TMTC2: variants seen among roughly 807,000 people sequenced by gnomAD.
TMTC2 encodes the protein protein O-mannosyl-transferase TMTC2.
Under a neutral mutation model 82.4 loss-of-function variants are expected in TMTC2, and 43 were observed. That is an observed-to-expected ratio of 0.52 (90% CI 0.41 to 0.67). The LOEUF (loss-of-function observed/expected upper bound fraction) is 0.67. Among genes scored for constraint, TMTC2 ranks in the 30% least tolerant of loss-of-function variants. The pLI is 0.00. For missense variants in TMTC2, 919 were observed against 1,012.4 expected (o/e 0.91, Z 1.25); for synonymous variants, 408 against 381.9 (o/e 1.07, Z -0.80).
At chr12:83,042,429 C>G (rs1056175643) in intron 9 of TMTC2, among the ~76,000 whole-genome samples, 1 of 152,194 alleles carries the variant, frequency 6.6e-6, no homozygotes, top group Non-Finnish European at 1.5e-5. Context: ...CCTTCTCTTC[C>G]TCTTTAAGTG....
intron 3 of TMTC2, among the ~76,000 whole-genome samples, chr12:82,905,814 G>A (rs1019659107): frequency 2.0e-5 from 3 of 151,830 alleles, no homozygotes; most frequent in Non-Finnish European, 2.9e-5. Context: ...GCATGGTGGC[G>A]GGCGCCTGTA....
intron 9 of TMTC2, among the ~76,000 whole-genome samples, chr12:83,033,890 A>G (rs199783839): frequency 1.9e-3 from 229 of 118,286 alleles, no homozygotes; most frequent in East Asian, 0.011. Context: ...ATGTGTGTGT[A>G]TATATATATA....
intron 11 of TMTC2, among the ~76,000 whole-genome samples, chr12:83,108,915 T>A (rs1884506947): frequency 6.6e-6 from 1 of 152,206 alleles, no homozygotes; most frequent in African/African-American, 2.4e-5. Flanking sequence ...TATTATTTTC[T>A]TCCTTGGTAC....
At chr12:82,838,000 A>C (rs1301668288) in intron 1 of TMTC2, among the ~76,000 whole-genome samples, 1 of 152,200 alleles carries the variant, frequency 6.6e-6, no homozygotes, top group Non-Finnish European at 1.5e-5. Flanking sequence ...TTTACATCAC[A>C]AAAAGATGGG....
intron 7 of TMTC2, among the ~76,000 whole-genome samples, chr12:82,976,264 C>T (rs1276129739): frequency 2.6e-5 from 4 of 151,988 alleles, no homozygotes; most frequent in Non-Finnish European, 5.9e-5. Flanking sequence ...AATATTTACA[C>T]AGGCTTCTGG....
intron 4 of TMTC2, among the ~76,000 whole-genome samples, chr12:82,944,987 TCA>T (rs1876921400): frequency 1.3e-5 from 2 of 152,224 alleles, no homozygotes; most frequent in South Asian, 2.1e-4. Flanking sequence ...TTTGTTTCTA[TCA>T]CATAGTGAGG....
chr12:83,116,410 A>G (rs1298675851), intron 11 of TMTC2, among the ~76,000 whole-genome samples: 1 of 152,210 alleles, frequency 6.6e-6, no homozygotes, highest in African/African-American at 2.4e-5. Context: ...ATGTGCAAGT[A>G]TCTTTTCCAT....
At chr12:82,942,845 GA>G (rs150341029) in intron 4 of TMTC2, among the ~76,000 whole-genome samples, 6 of 149,074 alleles carry the variant, frequency 4.0e-5, no homozygotes, top group South Asian at 2.1e-4. Context: ...TTTTTATTTA[GA>G]AAAAAAAACA....
In TMTC2 at chr12:82,687,574, A is replaced by G. The variant is rs749210924; in HGVS notation, c.-13A>G. Reference sequence around the variant, plus strand: ...CGCGCTGGGAGCCGAGCCGGAGGGAAGGCGGTGGAGAGATGATTGCAGAGT... The same window carrying G: ...CGCGCTGGGAGCCGAGCCGGAGGGAGGGCGGTGGAGAGATGATTGCAGAGT... On this transcript the variant is annotated 5_prime_UTR_variant, in exon 1 of 12. Coordinates refer to ENST00000321196, the MANE Select transcript of TMTC2 (RefSeq NM_152588.3). 5.0e-6 allele frequency: 8 copies of G among 1,591,646 alleles called. No homozygotes were observed. In the Admixed American group the frequency reaches 9.2e-5, roughly 18 times the overall value.
chr12:82,961,716 C>T (rs968436639), intron 4 of TMTC2, among the ~76,000 whole-genome samples: 17 of 152,130 alleles, frequency 1.1e-4, no homozygotes, highest in South Asian at 4.1e-4. Flanking sequence ...GACTCCAGAC[C>T]TTTCCTTATC....
Position 82,857,555 on chromosome 12 carries a change from A to G in TMTC2, c.629A>G (p.Lys210Arg), listed in dbSNP as rs1193873785. 1 of 1,611,540 alleles carries G rather than the reference A, an allele frequency of 6.2e-7. No homozygotes were observed. Among genetic ancestry groups the G allele is most frequent in the South Asian group, 1.1e-5 (1 of 90,484 alleles). The change falls in exon 2 of 12, where the codon AAA becomes AGA. Residue 210 changes from lysine to arginine, a missense_variant. Coordinates refer to ENST00000321196, the MANE Select transcript of TMTC2 (RefSeq NM_152588.3). ...DVFVFHRLKI[K>R]QILPTIYKRK... ...TTTGTCTTTCACAGGCTGAAAATAA[A>G]ACAGATATTACCTACCATTTACAAA...
At chr12:82,954,605 C>T (rs1022098126) in intron 4 of TMTC2, among the ~76,000 whole-genome samples, 1 of 152,182 alleles carries the variant, frequency 6.6e-6, no homozygotes, top group South Asian at 2.1e-4. Context: ...GTTTCCCTTG[C>T]GTGTTGCAGG....
At chr12:82,832,845 A>C (rs756297222) in intron 1 of TMTC2, among the ~76,000 whole-genome samples, 2 of 152,224 alleles carry the variant, frequency 1.3e-5, no homozygotes, top group Non-Finnish European at 2.9e-5. Context: ...GGAAATGTAA[A>C]ATAGATTAGT....
intron 10 of TMTC2, among the ~76,000 whole-genome samples, chr12:83,056,790 T>A (rs11837813): frequency 0.011 from 1,701 of 152,086 alleles, 38 homozygotes; most frequent in African/African-American, 0.039. Flanking sequence ...CATGCTGTAA[T>A]GGACCATAGG....
rs539088185 is a variant in TMTC2, at chr12:82,805,758, A to G, written c.84-51252A>G. ...CTGACCTTGTGATCTGCCCACCTCA[A>G]CCTCCCAAAGTGCTGGGATTACAGG... On this transcript the variant is annotated intron_variant, in intron 1 of 11. Transcript: ENST00000321196. Among the ~76,000 whole-genome samples, 16 of 151,056 alleles carry G rather than the reference A, an allele frequency of 1.1e-4. No individual in the cohort carries two copies. The South Asian group carries it at 2.3e-3, about 22-fold the overall frequency.
intron 10 of TMTC2, among the ~76,000 whole-genome samples, chr12:83,059,445 T>C (rs1209234658): frequency 6.6e-6 from 1 of 151,766 alleles, no homozygotes; most frequent in African/African-American, 2.4e-5. Flanking sequence ...CAGTTTTCCA[T>C]GTTCTGCCAT....
At chr12:82,866,800 G>A (rs192773534) in intron 2 of TMTC2, among the ~76,000 whole-genome samples, 34 of 152,176 alleles carry the variant, frequency 2.2e-4, no homozygotes, top group East Asian at 5.8e-4. Flanking sequence ...TTGATTTATC[G>A]AATGAAATTT....
chr12:82,843,981 A>T (rs938266089), intron 1 of TMTC2, among the ~76,000 whole-genome samples: 2 of 152,190 alleles, frequency 1.3e-5, no homozygotes, highest in Non-Finnish European at 2.9e-5. Context: ...GTTAAGACTC[A>T]ATTCAGAGAA....
chr12:82,802,297 G>T (rs944873824), intron 1 of TMTC2, among the ~76,000 whole-genome samples: 3 of 152,196 alleles, frequency 2.0e-5, no homozygotes, highest in Non-Finnish European at 4.4e-5. Context: ...ACGCCCACCC[G>T]TGCGCAGCCC....
Sources: gnomAD v4.1 joint callset for allele counts (sites outside exome capture counted in the v4.1 genomes callset) on GRCh38, gnomAD v4.1.1 for gene constraint, MANE v1.5 for transcripts, NCBI Gene and HGNC (gene_info 2026-07-23, HGNC 2026-07-21) for gene names.